Variants in NOTCH2 observed in about 807,000 individuals in gnomAD.
NOTCH2 encodes notch receptor 2.
Under a neutral mutation model 235.8 loss-of-function variants are expected in NOTCH2, and 29 were observed. The observed-to-expected ratio is 0.12, with a 90% CI of 0.09 to 0.17. NOTCH2 has a LOEUF of 0.17. Ranked by LOEUF, NOTCH2 falls within the 10% of genes least tolerant of loss-of-function variation. NOTCH2 has a pLI of 1.00. For synonymous variants in NOTCH2, 1,086 were observed against 1,141.5 expected (o/e 0.95, Z 0.98); for missense variants, 2,285 against 3,150.2 (o/e 0.73, Z 6.57).
Position 119,935,432 on chromosome 1 carries a change from C to T in NOTCH2, c.3655+40G>A, listed in dbSNP as rs782114401. 13 of 1,614,038 alleles carry T rather than the reference C, an allele frequency of 8.1e-6. No individual in the cohort carries two copies. In the South Asian group the frequency reaches 9.9e-5, roughly 12 times the overall value. ...CTAAGAATGGATTTATAACTTAAGA[C>T]AATGCCCTGGATGGAAAATGGATAA... On this transcript the variant is annotated intron_variant, in intron 22 of 33. Transcript: ENST00000256646.
At chr1:120,002,289 G>A (rs587766049) in intron 3 of NOTCH2, among the ~76,000 whole-genome samples, 15 of 150,358 alleles carry the variant, frequency 1.0e-4, no homozygotes, top group East Asian at 9.8e-4. Context: ...TAAGAAAGGC[G>A]TTACAGTGTT....
At position 119,915,689 on chromosome 1, in the gene NOTCH2, T is replaced by C. The variant is rs773396848; in HGVS notation, c.7033A>G (p.Met2345Val). The C allele has an allele frequency of 1.9e-6, 3 of 1,612,490 alleles. No individual in the cohort carries two copies. The African/African-American group carries it at 4.0e-5, about 22-fold the overall frequency. Reference protein sequence around the residue: ...PLPTMYQIPEMARLPSVAFPT... With the variant: ...PLPTMYQIPEVARLPSVAFPT... Reference sequence around the variant, plus strand: ...AAAGCCACACTGGGCAAACGGGCCATTTCTGGAATCTGGTACATGGTGGGC... The same window carrying C: ...AAAGCCACACTGGGCAAACGGGCCACTTCTGGAATCTGGTACATGGTGGGC... Residue 2345 changes from methionine to valine, a missense_variant, in exon 34 of 34, where the codon ATG (methionine) becomes GTG (valine). Transcript: ENST00000256646.
chr1:119,977,401 T>C lies in NOTCH2; in HGVS notation c.875-7657A>G, dbSNP rs587643502. On this transcript the variant is annotated intron_variant, in intron 5 of 33. Coordinates refer to ENST00000256646, the MANE Select transcript of NOTCH2 (RefSeq NM_024408.4). ...GATTCACCTTGCCTTTGCCCACTAA[T>C]CCTTCAACTACGCCTCAAGGGCAAC... Among the ~76,000 whole-genome samples the C allele has an allele frequency of 3.3e-5, 5 of 152,244 alleles. No individual in the cohort carries two copies. The East Asian group carries it at 9.6e-4, about 29-fold the overall frequency.
intron 17 of NOTCH2, among the ~76,000 whole-genome samples, chr1:119,947,581 T>C (rs74117570): frequency 0.051 from 7,690 of 152,244 alleles, 308 homozygotes; most frequent in South Asian, 0.11. Flanking sequence ...TACAACCACC[T>C]TGGAAAACAT....
At chr1:119,974,894 A>G (rs587695337) in intron 5 of NOTCH2, among the ~76,000 whole-genome samples, 3 of 152,274 alleles carry the variant, frequency 2.0e-5, no homozygotes, top group African/African-American at 7.2e-5. Context: ...GAGGGCAGGG[A>G]CTGTGTCTGC....
intron 2 of NOTCH2, among the ~76,000 whole-genome samples, chr1:120,025,335 GA>G (rs1653800495): frequency 6.6e-6 from 1 of 151,910 alleles, no homozygotes; most frequent in Non-Finnish European, 1.5e-5. Flanking sequence ...TTCTGCCTTA[GA>G]GGGGCTTAAT....
At chr1:119,968,356 T>C in intron 6 of NOTCH2, 124 bp from the exon 7 acceptor site, 7 of 1,087,234 alleles carry the variant, frequency 6.4e-6, no homozygotes, top group Non-Finnish European at 9.5e-6. Context: ...TGGAGATTTA[T>C]ACGCAACTTC....
At chr1:119,966,741 T>A (rs1474992294) in intron 8 of NOTCH2, among the ~76,000 whole-genome samples, 1 of 152,136 alleles carries the variant, frequency 6.6e-6, no homozygotes, top group Non-Finnish European at 1.5e-5. Context: ...ACCTAGCATA[T>A]AAACAAGGAC....
intron 2 of NOTCH2, among the ~76,000 whole-genome samples, chr1:120,017,962 T>C (rs1416188031): frequency 6.6e-6 from 1 of 151,602 alleles, no homozygotes; most frequent in African/African-American, 2.4e-5. Flanking sequence ...AACTGCTAGA[T>C]TCTGTAGTGA....
At chr1:120,053,785 TTTAAAG>T (rs1655050730) in intron 1 of NOTCH2, among the ~76,000 whole-genome samples, 1 of 119,300 alleles carries the variant, frequency 8.4e-6, no homozygotes, top group African/African-American at 3.9e-5. Flanking sequence ...AGTAATGAAC[TTTAAAG>T]TTCAGGGGCC....
At chr1:119,917,091 A>C (rs1267957162) in intron 33 of NOTCH2, among the ~76,000 whole-genome samples, 2 of 152,164 alleles carry the variant, frequency 1.3e-5, no homozygotes, top group African/African-American at 4.8e-5. Flanking sequence ...AAATAATAGG[A>C]AAAGGAGTTA....
intron 13 of NOTCH2, 92 bp downstream of exon 13, chr1:119,954,948 C>T (rs780626814): frequency 1.6e-6 from 2 of 1,279,850 alleles, no homozygotes; most frequent in Non-Finnish European, 2.3e-6. Context: ...AGCTCAAAGC[C>T]CCATTTGACA....
intron 22 of NOTCH2, among the ~76,000 whole-genome samples, chr1:119,933,735 T>C (rs1339691479): frequency 6.6e-6 from 1 of 152,242 alleles, no homozygotes; most frequent in Non-Finnish European, 1.5e-5. Flanking sequence ...CCTTCTGAAA[T>C]GATCCATTCT....
At chr1:119,984,748 G>A (rs782619999) in intron 5 of NOTCH2, among the ~76,000 whole-genome samples, 11 of 152,204 alleles carry the variant, frequency 7.2e-5, no homozygotes, top group African/African-American at 2.2e-4. Context: ...TAGTCCAACC[G>A]CCCCCATAAC....
intron 2 of NOTCH2, 40 bp downstream of exon 2, chr1:120,029,866 T>G (rs1553210693): frequency 1.7e-6 from 1 of 590,674 alleles, no homozygotes; most frequent in Non-Finnish European, 3.0e-6. Context: ...TTGTCCAGTG[T>G]TCTATCGCAA....
intron 19 of NOTCH2, among the ~76,000 whole-genome samples, chr1:119,939,820 G>T (rs1650000608): frequency 6.6e-6 from 1 of 151,098 alleles, no homozygotes; most frequent in African/African-American, 2.4e-5. Flanking sequence ...GTGGAGGTGG[G>T]TGCTCACATG....
chr1:119,926,365 T>G, intron 24 of NOTCH2, 134 bp downstream of exon 24: 2 of 781,548 alleles, frequency 2.6e-6, no homozygotes, highest in Non-Finnish European at 4.5e-6. Context: ...ACCCAAGCAC[T>G]TTCCTCTGAA....
intron 21 of NOTCH2, 64 bp downstream of exon 21, chr1:119,937,218 A>C: frequency 3.4e-6 from 5 of 1,482,798 alleles, no homozygotes; most frequent in Non-Finnish European, 4.7e-6. Context: ...TCAATATATC[A>C]GTGCTCAAAC....
chr1:119,973,449 T>TA (rs1331540889), intron 5 of NOTCH2, among the ~76,000 whole-genome samples: 1 of 151,418 alleles, frequency 6.6e-6, no homozygotes, highest in Non-Finnish European at 1.5e-5. Flanking sequence ...TTCAGGAAGG[T>TA]AAAAAAAAGG....
Sources: allele counts gnomAD v4.1 joint callset (sites outside exome capture counted in the v4.1 genomes callset), GRCh38; gene constraint gnomAD v4.1.1; transcripts MANE v1.5; gene names NCBI Gene and HGNC (gene_info 2026-07-23, HGNC 2026-07-21).